The following COL4A2 variants were observed in gnomAD, a reference collection of about 807,000 sequenced individuals.
The protein encoded by COL4A2 is collagen alpha-2(IV) chain.
A neutral mutation model predicts 200.2 loss-of-function variants in COL4A2; 99 were observed. The ratio of observed to expected loss-of-function variants is 0.49; its 90% confidence interval spans 0.42 to 0.58. COL4A2 has a LOEUF of 0.58. COL4A2 is among the 20% of genes least tolerant of loss of function. The pLI is 0.00. For synonymous variants in COL4A2, 897 were observed against 900.6 expected (o/e 1.00, Z 0.07); for missense variants, 1,950 against 2,314.1 (o/e 0.84, Z 3.23).
intron 45 of COL4A2, 70 bp from the exon 46 acceptor site, chr13:110,506,345 G>T (rs1002257258): frequency 8.5e-5 from 124 of 1,462,606 alleles, no homozygotes; most frequent in Non-Finnish European, 1.1e-4. Context: ...GCACCAGGCC[G>T]TCCACTCTCT....
intron 29 of COL4A2, among the ~76,000 whole-genome samples, chr13:110,477,412 G>A (rs1882743400): frequency 6.6e-6 from 1 of 152,218 alleles, no homozygotes; most frequent in African/African-American, 2.4e-5. Flanking sequence ...TTCTGAATCA[G>A]TGCGATGTAT....
chr13:110,341,683 C>T (rs1566482547), intron 3 of COL4A2, among the ~76,000 whole-genome samples: 1 of 152,226 alleles, frequency 6.6e-6, no homozygotes, highest in Non-Finnish European at 1.5e-5. Context: ...GGCTGAGTTG[C>T]TGTGTCAGGA....
chr13:110,486,419 A>T (rs1883120496), intron 34 of COL4A2, among the ~76,000 whole-genome samples: 1 of 152,226 alleles, frequency 6.6e-6, no homozygotes, highest in Non-Finnish European at 1.5e-5. Context: ...TGCTGTATAG[A>T]CAGTGTGTAT....
At chr13:110,415,813 G>A (rs1294493314) in intron 4 of COL4A2, among the ~76,000 whole-genome samples, 1 of 152,146 alleles carries the variant, frequency 6.6e-6, no homozygotes, top group East Asian at 1.9e-4. Flanking sequence ...CTTCCACCTG[G>A]GGCAGACTCT....
At chr13:110,499,776 G>A (rs1215716572) in intron 40 of COL4A2, among the ~76,000 whole-genome samples, 1 of 152,218 alleles carries the variant, frequency 6.6e-6, no homozygotes, top group East Asian at 1.9e-4. Context: ...TGTTTGCTAA[G>A]TGTTCTCATT....
At chr13:110,408,484 G>A (rs375901585) in intron 4 of COL4A2, among the ~76,000 whole-genome samples, 18 of 152,216 alleles carry the variant, frequency 1.2e-4, no homozygotes, top group Admixed American at 3.3e-4. Flanking sequence ...TCGGCTGGCC[G>A]TCCCCAAGTC....
At chr13:110,386,203 G>A (rs1413889857) in intron 4 of COL4A2, among the ~76,000 whole-genome samples, 3 of 152,194 alleles carry the variant, frequency 2.0e-5, no homozygotes, top group African/African-American at 2.4e-5. Context: ...TTGCAGTTGC[G>A]GATACACTGG....
intron 36 of COL4A2, among the ~76,000 whole-genome samples, chr13:110,490,507 A>G (rs1420508585): frequency 6.6e-6 from 1 of 152,174 alleles, no homozygotes; most frequent in African/African-American, 2.4e-5. Context: ...TTGCTCTGGA[A>G]TGGAAAGACG....
At chr13:110,365,224 C>T (rs1877693507) in intron 4 of COL4A2, among the ~76,000 whole-genome samples, 1 of 152,246 alleles carries the variant, frequency 6.6e-6, no homozygotes, top group African/African-American at 2.4e-5. Flanking sequence ...TCACTGCAAC[C>T]TCCACCTCCT....
At chr13:110,469,168 T>G (rs1486457403) in intron 27 of COL4A2, 49 bp from the exon 28 acceptor site, 1 of 1,549,586 alleles carries the variant, frequency 6.5e-7, no homozygotes, top group East Asian at 2.4e-5. Context: ...ACCATGCCCA[T>G]TTATCCTCGT....
At position 110,449,787 on chromosome 13, in the gene COL4A2, G is replaced by T; in HGVS notation, c.1187G>T (p.Gly396Val). 6.5e-7 allele frequency: 1 copy of T among 1,547,470 alleles called. No homozygotes were observed. Among genetic ancestry groups the T allele is most frequent in the South Asian group, 1.2e-5 (1 of 83,722 alleles). ...CCCCCTGGCCTCTCCATCGGAGATGGAGGTAATGTGGCTTCATAATATCAA... is the reference window on the plus strand; with the variant it reads ...CCCCCTGGCCTCTCCATCGGAGATGTAGGTAATGTGGCTTCATAATATCAA... ...PGPPGLSIGD[G>V]DQRRGLPGEM... The change falls in exon 19 of 48, where the codon GGA becomes GTA. Residue 396 changes from glycine (G) to valine (V), a missense_variant and splice_region_variant. Gly to Val is a moderately radical substitution (Grantham distance 109). Transcript: ENST00000360467.
At chr13:110,470,025 C>G (rs1292607371) in intron 28 of COL4A2, among the ~76,000 whole-genome samples, 2 of 151,232 alleles carry the variant, frequency 1.3e-5, no homozygotes, top group African/African-American at 4.9e-5. Flanking sequence ...AGCGACTCTC[C>G]TGCCTCAGCC....
intron 34 of COL4A2, among the ~76,000 whole-genome samples, chr13:110,486,570 C>G (rs755953109): frequency 6.6e-6 from 1 of 152,198 alleles, no homozygotes; most frequent in South Asian, 2.1e-4. Flanking sequence ...TGGAGCAGAT[C>G]AGAAGGTCTG....
intron 3 of COL4A2, among the ~76,000 whole-genome samples, chr13:110,355,327 G>T (rs1256769236): frequency 1.7e-5 from 2 of 114,990 alleles, no homozygotes; most frequent in Non-Finnish European, 3.0e-5. Flanking sequence ...GTGTGTGGGA[G>T]AGGGCTGCAC....
At chr13:110,352,125 T>C (rs1876988278) in intron 3 of COL4A2, among the ~76,000 whole-genome samples, 1 of 152,212 alleles carries the variant, frequency 6.6e-6, no homozygotes, top group Non-Finnish European at 1.5e-5. Context: ...ACGATGATGA[T>C]GGCATGAAGG....
intron 3 of COL4A2, among the ~76,000 whole-genome samples, chr13:110,314,532 G>T (rs558235369): frequency 6.6e-6 from 1 of 152,330 alleles, no homozygotes; most frequent in East Asian, 1.9e-4. Context: ...GGAGTCATTT[G>T]TGAAGACGGG....
At chr13:110,332,122 T>C (rs1029212071) in intron 3 of COL4A2, among the ~76,000 whole-genome samples, 1 of 152,248 alleles carries the variant, frequency 6.6e-6, no homozygotes, top group Non-Finnish European at 1.5e-5. Flanking sequence ...TGGTTTTACA[T>C]CCTTTTAGTC....
chr13:110,466,906 A>G, intron 26 of COL4A2, 134 bp from the exon 27 acceptor site: 1 of 1,075,742 alleles, frequency 9.3e-7, no homozygotes, highest in Non-Finnish European at 1.4e-6. Flanking sequence ...GATGAATTAA[A>G]TCATTAAGTT....
chr13:110,457,470 C>A, intron 21 of COL4A2, 35 bp downstream of exon 21: 3 of 1,243,546 alleles, frequency 2.4e-6, no homozygotes, highest in Non-Finnish European at 3.6e-6. Context: ...ATGAGGACAG[C>A]CTGGCCTTTC....
Sources: allele counts gnomAD v4.1 joint callset (sites outside exome capture counted in the v4.1 genomes callset), GRCh38; gene constraint gnomAD v4.1.1; transcripts MANE v1.5; gene names NCBI Gene and HGNC (gene_info 2026-07-23, HGNC 2026-07-21).